VPS26A: variants seen among roughly 807,000 people sequenced by gnomAD.
The protein encoded by VPS26A is vacuolar protein sorting-associated protein 26A.
In VPS26A, 22 loss-of-function variants were observed where a neutral mutation model predicts 42.4. The observed-to-expected ratio is 0.52, with a 90% CI of 0.37 to 0.74. VPS26A has a LOEUF of 0.74. Among genes scored for constraint, VPS26A ranks in the 30% least tolerant of loss-of-function variants. VPS26A has a pLI of 0.00. For synonymous variants in VPS26A, 110 were observed against 123.5 expected (o/e 0.89, Z 0.73); for missense variants, 276 against 379.2 (o/e 0.73, Z 2.26).
intron 2 of VPS26A, among the ~76,000 whole-genome samples, chr10:69,133,874 A>T (rs1441903380): frequency 6.6e-6 from 1 of 151,924 alleles, no homozygotes; most frequent in Non-Finnish European, 1.5e-5. Context: ...TTTTGTAGAG[A>T]TGGGGTTTGT....
In VPS26A at chr10:69,132,959, A is replaced by G; in HGVS notation, c.65A>G (p.Glu22Gly). Residue 22 changes from glutamate to glycine, a missense_variant, in exon 2 of 9, where the codon GAA becomes GGA. Coordinates refer to ENST00000263559, the MANE Select transcript of VPS26A (RefSeq NM_004896.5). The stretch of plus-strand genomic sequence containing the variant: ...ATCGATATTGTTCTTAATGATGGGG[A>G]AACCAGGAAAATGGCAGAAATGAAA... ...CEIDIVLNDG[E>G]TRKMAEMKTE... is the part of the protein sequence containing the mutation. 6.2e-7 allele frequency: 1 copy of G among 1,612,370 alleles called. No homozygotes were observed. The highest frequency in any genetic ancestry group is 8.5e-7 in the Non-Finnish European group (1 of 1,179,678).
intron 2 of VPS26A, among the ~76,000 whole-genome samples, chr10:69,139,352 G>A (rs1840990804): frequency 6.6e-6 from 1 of 152,062 alleles, no homozygotes; most frequent in Non-Finnish European, 1.5e-5. Flanking sequence ...CACCCAGGCT[G>A]GAGTGCGGTG....
rs541563875 is a variant in VPS26A at position 69,127,777 on chromosome 10, A to G, written c.3+3497A>G. Among the ~76,000 whole-genome samples, 26 of 121,226 alleles carry G rather than the reference A, an allele frequency of 2.1e-4. No homozygotes were observed. The East Asian group carries it at 5.9e-3, about 27-fold the overall frequency. 79.5% of individuals were successfully genotyped at this position (121,226 alleles called of 152,430 possible). On this transcript the variant is annotated intron_variant, in intron 1 of 8. Coordinates refer to ENST00000263559, the MANE Select transcript of VPS26A (RefSeq NM_004896.5). ...GAGACAAGCTCTTGCTCTGCCGCCC[A>G]GTCAGTGGCTTACTGCAGCCTCGAC...
chr10:69,159,142 A>C (rs779976892), intron 5 of VPS26A, among the ~76,000 whole-genome samples: 7 of 152,204 alleles, frequency 4.6e-5, no homozygotes, highest in East Asian at 1.9e-4. Context: ...TGGGAGGCCA[A>C]GGTGGGCAGA....
At chr10:69,151,252 G>A (rs1841298004) in intron 2 of VPS26A, among the ~76,000 whole-genome samples, 1 of 88,068 alleles carries the variant, frequency 1.1e-5, no homozygotes, top group Non-Finnish European at 1.9e-5. Flanking sequence ...GCAACAGAGT[G>A]AGACTCCATG....
intron 2 of VPS26A, among the ~76,000 whole-genome samples, chr10:69,154,726 T>C (rs6480386): frequency 0.042 from 6,321 of 151,814 alleles, 460 homozygotes; most frequent in African/African-American, 0.14. Flanking sequence ...ATTAGCTTGG[T>C]GTAGTTATGC....
At chr10:69,135,111 C>G (rs1373081603) in intron 2 of VPS26A, among the ~76,000 whole-genome samples, 1 of 152,144 alleles carries the variant, frequency 6.6e-6, no homozygotes, top group African/African-American at 2.4e-5. Context: ...CTGAACCTAG[C>G]ATCTCAGGTA....
intron 4 of VPS26A, among the ~76,000 whole-genome samples, 196 bp downstream of exon 4, chr10:69,157,359 T>A (rs1841455274): frequency 6.6e-6 from 1 of 152,224 alleles, no homozygotes; most frequent in Non-Finnish European, 1.5e-5. Flanking sequence ...ACAACATTGT[T>A]ATGAGACATT....
chr10:69,156,028 C>G, intron 3 of VPS26A, 141 bp downstream of exon 3: 1 of 625,324 alleles, frequency 1.6e-6, no homozygotes, highest in Non-Finnish European at 2.7e-6. Context: ...AGAGGATTTA[C>G]TTTATAACTA....
intron 1 of VPS26A, among the ~76,000 whole-genome samples, chr10:69,131,603 G>C (rs1239482746): frequency 6.6e-6 from 1 of 152,066 alleles, no homozygotes; most frequent in Admixed American, 6.6e-5. Flanking sequence ...TGTGGTTGCA[G>C]ATGGCTGTAG....
Position 69,157,588 on chromosome 10 carries a change from A to G in VPS26A, c.386+425A>G, listed in dbSNP as rs773258184. ...ACCTAGTTTTCTAAACTCTCAATTC[A>G]GTGTCCTTTCCCTTCACTAAGTCTG... On this transcript the variant is annotated intron_variant, in intron 4 of 8. Coordinates refer to ENST00000263559, the MANE Select transcript of VPS26A (RefSeq NM_004896.5). 3.9e-5 allele frequency among the ~76,000 whole-genome samples: 6 copies of G among 152,328 alleles called. No individual in the cohort carries two copies. In the Middle Eastern group the frequency reaches 0.01, roughly 259 times the overall value.
chr10:69,127,093 ATTTTTTTTT>A (rs71035057), intron 1 of VPS26A, among the ~76,000 whole-genome samples: 11 of 97,532 alleles, frequency 1.1e-4, no homozygotes, highest in Admixed American at 2.4e-4. Flanking sequence ...CACCCGGCCA[ATTTTTTTTT>A]TTTTTTTTTT....
rs1375116908 is a variant in VPS26A at position 69,172,386 on chromosome 10, C to T, written c.*1117C>T. ...TCCATTCATATGCATGGGGTCTGAT[C>T]GCAAATACACTAAATGTGGAGTGTA... On this transcript the variant is annotated 3_prime_UTR_variant, in exon 9 of 9. Coordinates refer to ENST00000263559, the MANE Select transcript of VPS26A (RefSeq NM_004896.5). 1.3e-5 allele frequency: 2 copies of T among 152,208 alleles called. No individual in the cohort carries two copies. Among genetic ancestry groups the T allele is most frequent in the Non-Finnish European group, 2.9e-5 (2 of 68,034 alleles). The allele number at this position is 152,208 out of a possible 1,614,324, so 9.4% of individuals were successfully genotyped here.
intron 1 of VPS26A, among the ~76,000 whole-genome samples, chr10:69,128,775 A>G (rs978730252): frequency 6.6e-6 from 1 of 151,534 alleles, no homozygotes; most frequent in Non-Finnish European, 1.5e-5. Context: ...CGGGTGGATC[A>G]CTTGAGCCCA....
intron 1 of VPS26A, among the ~76,000 whole-genome samples, chr10:69,132,021 A>G (rs560496497): frequency 6.6e-6 from 1 of 152,182 alleles, no homozygotes; most frequent in Non-Finnish European, 1.5e-5. Flanking sequence ...AATTCACAGA[A>G]ATTTTATTTT....
At position 69,162,470 on chromosome 10, in the gene VPS26A, C is replaced by T. The variant is rs779807557; in HGVS notation, c.616C>T (p.His206Tyr). 1 of 1,574,174 alleles carries T rather than the reference C, an allele frequency of 6.4e-7. No homozygotes were observed. Among genetic ancestry groups the T allele is most frequent in the South Asian group, 1.1e-5 (1 of 89,150 alleles). Residue 206 changes from histidine to tyrosine, a missense_variant, in exon 6 of 9, where the codon CAT becomes TAT. Transcript: ENST00000263559. ...YFLLVRIKIQ[H>Y]MELQLIKKEI... is the part of the protein sequence containing the mutation. ...CTTATTAGTAAGAATAAAAATACAA[C>T]ATATGGAGTTACAGCTGATCAAAAA...
chr10:69,168,475 T>C lies in VPS26A; in HGVS notation c.728-14T>C. ...ATCATCTTTAGAATTAAGTAGAAATTCCTTTTCTTTCAGGTGAATCAATTC... is the reference window on the plus strand; with the variant it reads ...ATCATCTTTAGAATTAAGTAGAAATCCCTTTTCTTTCAGGTGAATCAATTC... On this transcript the variant is annotated splice_polypyrimidine_tract_variant and intron_variant, in intron 7 of 8. Coordinates refer to ENST00000263559, the MANE Select transcript of VPS26A (RefSeq NM_004896.5). 4 of 1,608,424 alleles carry C rather than the reference T, an allele frequency of 2.5e-6. No homozygotes were observed. Among genetic ancestry groups the C allele is most frequent in the Non-Finnish European group, 3.4e-6 (4 of 1,178,076 alleles).
intron 2 of VPS26A, among the ~76,000 whole-genome samples, chr10:69,149,336 A>G (rs1841238953): frequency 1.3e-5 from 2 of 152,178 alleles, no homozygotes; most frequent in African/African-American, 4.8e-5. Flanking sequence ...AACTGTGATG[A>G]AACATCAGAC....
At chr10:69,163,989 G>T (rs1271164801) in intron 6 of VPS26A, among the ~76,000 whole-genome samples, 1 of 151,396 alleles carries the variant, frequency 6.6e-6, no homozygotes, top group East Asian at 1.9e-4. Context: ...GGATGGTCTC[G>T]ATCTCCTGAC....
Sources: allele counts gnomAD v4.1 joint callset (sites outside exome capture counted in the v4.1 genomes callset), GRCh38; gene constraint gnomAD v4.1.1; transcripts MANE v1.5; gene names NCBI Gene and HGNC (gene_info 2026-07-23, HGNC 2026-07-21).